The following RIMS2 variants were observed in gnomAD, a reference collection of about 807,000 sequenced individuals.
RIMS2 encodes regulating synaptic membrane exocytosis protein 2.
Under a neutral mutation model 174.4 loss-of-function variants are expected in RIMS2, and 59 were observed. The observed-to-expected ratio is 0.34, with a 90% CI of 0.27 to 0.42. The LOEUF (loss-of-function observed/expected upper bound fraction) is 0.42. RIMS2 is among the 10% of genes least tolerant of loss of function. The pLI is 1.00. For synonymous variants in RIMS2, 606 were observed against 572.5 expected, an observed-to-expected ratio of 1.06 and a Z score of -0.84; for missense variants, 1,620 against 1,666.3, an observed-to-expected ratio of 0.97 and a Z score of 0.48.
chr8:104,174,870 A>G (rs548125454), intron 19 of RIMS2, among the ~76,000 whole-genome samples: 1 of 152,250 alleles, frequency 6.6e-6, no homozygotes, highest in East Asian at 1.9e-4. Flanking sequence ...GTGTTTTCAG[A>G]TTCTTTCACC....
At chr8:103,662,795 A>C (rs941567299) in intron 1 of RIMS2, among the ~76,000 whole-genome samples, 25 of 152,130 alleles carry the variant, frequency 1.6e-4, no homozygotes, top group Admixed American at 6.5e-5. Context: ...TTTTAATGTC[A>C]GTCTCTAATA....
intron 19 of RIMS2, among the ~76,000 whole-genome samples, chr8:104,196,323 C>A (rs1440292659): frequency 6.6e-6 from 1 of 152,080 alleles, no homozygotes; most frequent in African/African-American, 2.4e-5. Context: ...TCTGAAACAA[C>A]CTTTGAATAA....
At chr8:103,545,607 T>C (rs1484632566) in intron 1 of RIMS2, among the ~76,000 whole-genome samples, 1 of 151,978 alleles carries the variant, frequency 6.6e-6, no homozygotes, top group Non-Finnish European at 1.5e-5. Context: ...AAAGAAAAAA[T>C]GTTAAAGACA....
intron 19 of RIMS2, among the ~76,000 whole-genome samples, chr8:104,060,715 A>G (rs2154560313): frequency 6.6e-6 from 1 of 152,272 alleles, no homozygotes; most frequent in South Asian, 2.1e-4. Context: ...TTAGTGCTAT[A>G]AATTTCCCTC....
intron 19 of RIMS2, 75 bp downstream of exon 23, chr8:104,068,687 A>G: frequency 1.3e-6 from 1 of 762,320 alleles, no homozygotes; most frequent in South Asian, 1.5e-5. Flanking sequence ...AAACTACTAA[A>G]TGCAGATTAG....
intron 2 of RIMS2, among the ~76,000 whole-genome samples, chr8:103,735,404 T>C (rs1452004019): frequency 6.6e-6 from 1 of 152,156 alleles, no homozygotes; most frequent in Non-Finnish European, 1.5e-5. Flanking sequence ...ATATGTTTAA[T>C]CCTTTTTGGT....
intron 19 of RIMS2, among the ~76,000 whole-genome samples, chr8:104,036,674 C>G (rs960344895): frequency 6.6e-6 from 1 of 151,486 alleles, no homozygotes; most frequent in African/African-American, 2.4e-5. Context: ...GTCAGGAGTT[C>G]GAGACCAGAC....
chr8:103,794,843 A>G (rs2098536973), intron 3 of RIMS2, among the ~76,000 whole-genome samples: 1 of 152,262 alleles, frequency 6.6e-6, no homozygotes, highest in Admixed American at 6.5e-5. Flanking sequence ...AATGCTCATC[A>G]TCACTGGCCA....
intron 3 of RIMS2, among the ~76,000 whole-genome samples, chr8:103,882,761 T>A (rs532279793): frequency 6.6e-6 from 1 of 151,602 alleles, no homozygotes; most frequent in Non-Finnish European, 1.5e-5. Flanking sequence ...GACTAATTAT[T>A]AATAGCCTTT....
rs143162506 is a variant in RIMS2 at position 103,714,498 on chromosome 8, A to G, written c.387+17202A>G. The stretch of plus-strand genomic sequence containing the variant: ...AGAGGCAAGTGATGGTAGTTTAACT[A>G]TATAGAATATAGAGCACTGATACAG... On this transcript the variant is annotated intron_variant, in intron 2 of 23. Coordinates refer to ENST00000504942, the Ensembl canonical transcript of RIMS2. Among the ~76,000 whole-genome samples the G allele has an allele frequency of 4.6e-5, 7 of 152,302 alleles. No homozygotes were observed. In the East Asian group the frequency reaches 1.3e-3, roughly 29 times the overall value.
intron 19 of RIMS2, among the ~76,000 whole-genome samples, chr8:104,229,703 T>A (rs1346597532): frequency 1.3e-5 from 2 of 152,156 alleles, no homozygotes; most frequent in Non-Finnish European, 2.9e-5. Context: ...TGGCAGCCAA[T>A]GGCATCCAAG....
At chr8:103,825,772 G>T (rs953490023) in intron 3 of RIMS2, among the ~76,000 whole-genome samples, 5 of 151,908 alleles carry the variant, frequency 3.3e-5, no homozygotes, top group Admixed American at 1.3e-4. Context: ...GGATCATAGC[G>T]TGGGTGTATG....
chr8:103,997,724 G>T (rs369419366), intron 17 of RIMS2, among the ~76,000 whole-genome samples: 1 of 151,644 alleles, frequency 6.6e-6, no homozygotes, highest in Non-Finnish European at 1.5e-5. Flanking sequence ...AAATGGAATT[G>T]TTAAGGCCCT....
At chr8:103,585,899 A>T (rs1456336300) in intron 1 of RIMS2, among the ~76,000 whole-genome samples, 1 of 150,048 alleles carries the variant, frequency 6.7e-6, no homozygotes, top group African/African-American at 2.5e-5. Context: ...GAAAAATTTT[A>T]AAAAATTGCA....
chr8:103,968,843 C>T (rs2092491557), intron 15 of RIMS2, among the ~76,000 whole-genome samples: 1 of 151,782 alleles, frequency 6.6e-6, no homozygotes, highest in African/African-American at 2.4e-5. Context: ...TGACCTATAT[C>T]TTTTTCATTC....
At chr8:103,815,837 T>C (rs2098715010) in intron 3 of RIMS2, among the ~76,000 whole-genome samples, 1 of 152,220 alleles carries the variant, frequency 6.6e-6, no homozygotes, top group Non-Finnish European at 1.5e-5. Context: ...TACTTTATAA[T>C]TTATAAAATG....
At chr8:104,150,104 T>C (rs1017318083) in intron 19 of RIMS2, among the ~76,000 whole-genome samples, 2 of 152,072 alleles carry the variant, frequency 1.3e-5, no homozygotes, top group African/African-American at 4.8e-5. Context: ...CCTTTTGAAA[T>C]TGAGGTTTTT....
intron 2 of RIMS2, among the ~76,000 whole-genome samples, chr8:103,716,795 T>A (rs2097373242): frequency 6.6e-6 from 1 of 152,192 alleles, no homozygotes; most frequent in Admixed American, 6.5e-5. Context: ...GTATTTCATG[T>A]ATTTTATTTT....
intron 19 of RIMS2, among the ~76,000 whole-genome samples, chr8:104,057,586 A>C (rs1044396139): frequency 1.3e-4 from 20 of 151,646 alleles, no homozygotes; most frequent in African/African-American, 3.6e-4. Flanking sequence ...TTATTATTAT[A>C]CTTTAAGTTT....
Sources: allele counts gnomAD v4.1 joint callset (sites outside exome capture counted in the v4.1 genomes callset), GRCh38; gene constraint gnomAD v4.1.1; transcripts MANE v1.5; gene names NCBI Gene and HGNC (gene_info 2026-07-23, HGNC 2026-07-21).